Variants in CYB5R4 observed in about 807,000 individuals in gnomAD.
CYB5R4 encodes N-terminal cytochrome b5 and cytochrome b5 oxidoreductase domain-containing protein.
In CYB5R4, 55 loss-of-function variants were observed where a neutral mutation model predicts 70.2. The ratio of observed to expected loss-of-function variants is 0.78; its 90% confidence interval spans 0.63 to 0.98. The LOEUF is 0.98. Ranked by LOEUF, CYB5R4 falls within the 50% of genes least tolerant of loss-of-function variation. The probability of loss-of-function intolerance (pLI) is 0.00; values close to 1 mark genes in which losing one functional copy is unlikely to be tolerated. For missense variants in CYB5R4, 562 were observed against 612.6 expected, an observed-to-expected ratio of 0.92 and a Z score of 0.87; for synonymous variants, 197 against 199.5, an observed-to-expected ratio of 0.99 and a Z score of 0.11.
At chr6:83,923,040 T>TC (rs2099466657) in intron 9 of CYB5R4, among the ~76,000 whole-genome samples, 1 of 151,410 alleles carries the variant, frequency 6.6e-6, no homozygotes, top group South Asian at 2.1e-4. Flanking sequence ...TTCTTTTTTT[T>TC]CTCCTTAAAA....
chr6:83,917,322 G>A (rs2099465677), intron 5 of CYB5R4, among the ~76,000 whole-genome samples: 1 of 152,018 alleles, frequency 6.6e-6, no homozygotes, highest in South Asian at 2.1e-4. Context: ...ACTTTGAAAA[G>A]CCATTCAGTA....
At position 83,959,936 on chromosome 6, in the gene CYB5R4, G is replaced by A; in HGVS notation, c.*58G>A. 1 of 1,351,044 alleles carries A rather than the reference G, an allele frequency of 7.4e-7. No individual in the cohort carries two copies. The highest frequency in any genetic ancestry group is 2.5e-5 in the East Asian group (1 of 40,364). 83.7% of individuals were successfully genotyped at this position (1,351,044 alleles called of 1,614,324 possible). On this transcript the variant is annotated 3_prime_UTR_variant, in exon 16 of 16. Coordinates refer to ENST00000369681, the MANE Select transcript of CYB5R4 (RefSeq NM_016230.4). ...TTTATCTAAATTTGTGATTGCTTAG[G>A]GTTTTTTAAGAGAACATTTTTGTAC...
intron 3 of CYB5R4, among the ~76,000 whole-genome samples, chr6:83,898,806 A>G (rs1257616080): frequency 1.3e-5 from 2 of 151,722 alleles, no homozygotes; most frequent in East Asian, 1.9e-4. Flanking sequence ...ATTTTTGCAC[A>G]TTGATTTTGT....
chr6:83,905,382 A>G (rs1176152534), intron 3 of CYB5R4, among the ~76,000 whole-genome samples: 4 of 151,926 alleles, frequency 2.6e-5, no homozygotes, highest in African/African-American at 7.3e-5. Flanking sequence ...ATATGGGAGA[A>G]ATTTTTCCTG....
At chr6:83,923,601 TTTA>T (rs1357785656) in intron 9 of CYB5R4, among the ~76,000 whole-genome samples, 2 of 152,188 alleles carry the variant, frequency 1.3e-5, no homozygotes, top group Non-Finnish European at 2.9e-5. Context: ...AAGCACATAT[TTTA>T]TTATTTTACC....
chr6:83,938,029 TAAAC>T (rs1198998212), intron 12 of CYB5R4, among the ~76,000 whole-genome samples: 1 of 152,208 alleles, frequency 6.6e-6, no homozygotes, highest in Non-Finnish European at 1.5e-5. Context: ...AATTTGGAAA[TAAAC>T]AAAATTACAT....
rs1300518975 is a variant in CYB5R4, at chr6:83,965,733, C to T, written c.*5855C>T. 1 of 152,132 alleles carries T rather than the reference C, an allele frequency of 6.6e-6. No homozygotes were observed. Among genetic ancestry groups the T allele is most frequent in the Non-Finnish European group, 1.5e-5 (1 of 68,026 alleles). The allele number at this position is 152,132 out of a possible 1,614,324, so 9.4% of individuals were successfully genotyped here. On this transcript the variant is annotated 3_prime_UTR_variant, in exon 16 of 16. Transcript: ENST00000369681. Reference sequence around the variant, plus strand: ...GATATGGTTTGGCTCTGTGTCCCCACCCAAATTTCATCTTGAATTATACTC... The same window carrying T: ...GATATGGTTTGGCTCTGTGTCCCCATCCAAATTTCATCTTGAATTATACTC...
At chr6:83,923,666 T>C (rs2099466783) in intron 9 of CYB5R4, among the ~76,000 whole-genome samples, 1 of 152,148 alleles carries the variant, frequency 6.6e-6, no homozygotes. Flanking sequence ...TAATCTAAAA[T>C]ATTTTTATCA....
chr6:83,919,077 A>T (rs958555054), intron 6 of CYB5R4, among the ~76,000 whole-genome samples: 6 of 152,124 alleles, frequency 3.9e-5, no homozygotes, highest in Non-Finnish European at 7.4e-5. Flanking sequence ...CTTTAACAAA[A>T]TATGTTGTTT....
At chr6:83,870,442 CG>C (rs2099457413) in intron 2 of CYB5R4, among the ~76,000 whole-genome samples, 2 of 137,452 alleles carry the variant, frequency 1.5e-5, no homozygotes, top group African/African-American at 3.3e-5. Context: ...TTTATCTAAC[CG>C]TTTTTTTTTT....
intron 1 of CYB5R4, among the ~76,000 whole-genome samples, chr6:83,863,944 C>G (rs537300511): frequency 2.0e-5 from 3 of 152,216 alleles, no homozygotes; most frequent in African/African-American, 4.8e-5. Context: ...TAGGACCAGT[C>G]CCCCAGGAAT....
intron 3 of CYB5R4, among the ~76,000 whole-genome samples, chr6:83,894,074 C>A (rs2099461517): frequency 6.6e-6 from 1 of 152,162 alleles, no homozygotes; most frequent in Non-Finnish European, 1.5e-5. Flanking sequence ...ATTTGCATGT[C>A]ATGTAGAAAG....
chr6:83,922,517 A>G (rs759265253), intron 9 of CYB5R4, 47 bp downstream of exon 9: 2 of 1,327,178 alleles, frequency 1.5e-6, no homozygotes, highest in East Asian at 2.3e-5. Context: ...ACATATACAC[A>G]TACCTACAGA....
chr6:83,940,531 T>C lies in CYB5R4; in HGVS notation c.1276T>C (p.Phe426Leu). The change falls in exon 14 of 16, where the codon TTC (phenylalanine) becomes CTC (leucine). Residue 426 changes from phenylalanine (F) to leucine (L), a missense_variant. By Grantham distance (22) the Phe-to-Leu change is conservative. Transcript: ENST00000369681. ...TCTCTTAAGGAAAGTGAAGCTGATG[T>C]TCTTCAATAAAACAGAAGATGATAT... ...IPSLRKVKLM[F>L]FNKTEDDIIW... 6.9e-6 allele frequency: 11 copies of C among 1,587,726 alleles called. No homozygotes were observed. Among genetic ancestry groups the C allele is most frequent in the Non-Finnish European group, 9.4e-6 (11 of 1,172,746 alleles).
At chr6:83,908,472 G>A (rs1170741170) in intron 3 of CYB5R4, among the ~76,000 whole-genome samples, 1 of 152,018 alleles carries the variant, frequency 6.6e-6, no homozygotes, top group Non-Finnish European at 1.5e-5. Flanking sequence ...TTCCCACTTT[G>A]TCACACAAAA....
Position 83,960,284 on chromosome 6 carries a change from T to C in CYB5R4, c.*406T>C, listed in dbSNP as rs2099473126. ...ACAGATTAAATTTTACCTTGCACTG[T>C]TAACTCAGGAAATGATCATTTATGT... On this transcript the variant is annotated 3_prime_UTR_variant, in exon 16 of 16. Transcript: ENST00000369681. The C allele has an allele frequency of 6.4e-6, 1 of 157,288 alleles. No individual in the cohort carries two copies. The highest frequency in any genetic ancestry group is 2.4e-5 in the African/African-American group (1 of 41,526). 9.7% of individuals were successfully genotyped at this position (157,288 alleles called of 1,614,324 possible).
chr6:83,899,207 C>A (rs1448293780), intron 3 of CYB5R4, among the ~76,000 whole-genome samples: 1 of 152,194 alleles, frequency 6.6e-6, no homozygotes, highest in African/African-American at 2.4e-5. Context: ...GCCTTTTCTG[C>A]ATCTATTGAG....
intron 2 of CYB5R4, among the ~76,000 whole-genome samples, chr6:83,879,706 G>C (rs1442321053): frequency 6.6e-6 from 1 of 152,102 alleles, no homozygotes; most frequent in Admixed American, 6.5e-5. Context: ...CCTTTCTCGT[G>C]TCTGCTTTGC....
chr6:83,864,322 A>T lies in CYB5R4; in HGVS notation c.223A>T (p.Ile75Leu). ...CAAAAAAGATGATTGTTGGATATGCATAAGAGGTAGGTGGTATTTATTAAG... is the reference window on the plus strand; with the variant it reads ...CAAAAAAGATGATTGTTGGATATGCTTAAGAGGTAGGTGGTATTTATTAAG... Reference protein sequence around the residue: ...HNKKDDCWICIRGFVYNVSPY... With the variant: ...HNKKDDCWICLRGFVYNVSPY... The change falls in exon 2 of 16, where the codon ATA becomes TTA. Residue 75 changes from isoleucine (I) to leucine (L), a missense_variant. By Grantham distance (5) the Ile-to-Leu change is conservative. Transcript: ENST00000369681. 1 of 1,611,032 alleles carries T rather than the reference A, an allele frequency of 6.2e-7. No individual in the cohort carries two copies. The highest frequency in any genetic ancestry group is 8.5e-7 in the Non-Finnish European group (1 of 1,178,880).
Sources: gnomAD v4.1 joint callset for allele counts (sites outside exome capture counted in the v4.1 genomes callset) on GRCh38, gnomAD v4.1.1 for gene constraint, MANE v1.5 for transcripts, NCBI Gene and HGNC (gene_info 2026-07-23, HGNC 2026-07-21) for gene names.